The following PKD1 variants were observed in gnomAD, a reference collection of about 807,000 sequenced individuals.
PKD1 encodes the protein polycystin-1.
In PKD1, 81 loss-of-function variants were observed where a neutral mutation model predicts 361.7. The observed-to-expected ratio is 0.22, with a 90% confidence interval of 0.19 to 0.27. PKD1 has a LOEUF of 0.27. PKD1 is among the 10% of genes least tolerant of loss of function. PKD1 has a pLI of 1.00. For missense variants in PKD1, 6,399 were observed against 6,118.3 expected (o/e 1.05, Z -1.53); for synonymous variants, 3,615 against 2,818.3 (o/e 1.28, Z -8.95).
rs1347130481 is a variant in PKD1, at chr16:2,097,325, C to G, written c.10399G>C (p.Ala3467Pro). ...TCCTCTCACCCCAGCTCACCTGATG[C>G]TGAGAAGGATTTGGCAGGCGAGTAG... is the stretch of plus-strand genomic sequence containing the variant. Reference protein sequence around the residue: ...SPYSPAKSFSASDEDLIQQVL... With the variant: ...SPYSPAKSFSPSDEDLIQQVL... The change falls in exon 33 of 46, where the codon GCA becomes CCA. Residue 3467 changes from alanine (A) to proline (P), a missense_variant. Ala to Pro is a conservative substitution (Grantham distance 27, BLOSUM62 -1). Transcript: ENST00000262304. 6.2e-7 allele frequency: 1 copy of G among 1,612,804 alleles called. No homozygotes were observed. The highest frequency in any genetic ancestry group is 1.3e-5 in the African/African-American group (1 of 74,940).
At chr16:2,107,002 G>A in intron 16 of PKD1, 54 bp from the exon 17 acceptor site, 1 of 1,543,288 alleles carries the variant, frequency 6.5e-7, no homozygotes, top group Non-Finnish European at 8.8e-7. Context: ...CTGCTGGAAG[G>A]ACTGGGGGAC....
intron 23 of PKD1, 115 bp downstream of exon 23, chr16:2,103,151 G>A (rs1265502143): frequency 3.7e-6 from 5 of 1,346,624 alleles, no homozygotes; most frequent in Middle Eastern, 2.5e-4. Flanking sequence ...GCCCCCAGCA[G>A]CCCATGAAAC....
intron 21 of PKD1, 120 bp from the exon 22 acceptor site, chr16:2,104,762 G>A (rs1426909186): frequency 3.8e-6 from 3 of 779,830 alleles, no homozygotes; most frequent in South Asian, 1.5e-5. Flanking sequence ...GAGCCCACTT[G>A]ACTGGACCCC....
Position 2,114,750 on chromosome 16 carries a change from A to T in PKD1, c.2273T>A (p.Leu758Gln). Residue 758 changes from leucine (L) to glutamine (Q), a missense_variant, in exon 11 of 46, where the codon CTG (leucine) becomes CAG (glutamine). Physicochemically the swap from Leu to Gln is moderately radical, Grantham distance 113. Coordinates refer to ENST00000262304, the MANE Select transcript of PKD1 (RefSeq NM_001009944.3). The stretch of plus-strand genomic sequence containing the variant: ...GGCAGGGCAGGCCCAAGTGCCCTCC[A>T]GCTGGGCTGGCAAGTGGGGCAGCCA... The part of the protein sequence containing the change: ...SSWLPHLPAQ[L>Q]EGTWACPACA... 6.7e-7 allele frequency: 1 copy of T among 1,486,108 alleles called. No homozygotes were observed. Among genetic ancestry groups the T allele is most frequent in the Non-Finnish European group, 9.1e-7 (1 of 1,103,620 alleles). The allele number at this position is 1,486,108 out of a possible 1,614,324, so 92.1% of individuals were successfully genotyped here.
In PKD1 at chr16:2,100,102, G is replaced by A. The variant is rs2092030027; in HGVS notation, c.9713-31C>T. 3 of 1,604,588 alleles carry A rather than the reference G, an allele frequency of 1.9e-6. No individual in the cohort carries two copies. The highest frequency in any genetic ancestry group is 1.1e-5 in the South Asian group (1 of 90,570). ...AGGCAGGGAGGGCCGCACTGCAGGA[G>A]GCCACGGGGCAGGACCACCCTGCCC... On this transcript the variant is annotated intron_variant, in intron 28 of 45. Coordinates refer to ENST00000262304, the MANE Select transcript of PKD1 (RefSeq NM_001009944.3). The surrounding 1 kb of genome is among the most constrained non-coding windows in gnomAD (Gnocchi z 4.4).
intron 34 of PKD1, among the ~76,000 whole-genome samples, chr16:2,094,440 C>T (rs986970528): frequency 1.3e-5 from 2 of 152,198 alleles, no homozygotes; most frequent in African/African-American, 2.4e-5. Context: ...CCCTCTCCCG[C>T]CCGCTTGCTG....
chr16:2,102,724 C>G lies in PKD1; in HGVS notation c.8948+90G>C, dbSNP rs1408790710. ...GCCCATACCCGGTCCAGTCCCCTCG[C>G]TGCCTGCCGTCCCCATGGGGCCAGT... On this transcript the variant is annotated intron_variant, in intron 24 of 45. Transcript: ENST00000262304. The G allele has an allele frequency of 8.1e-6, 13 of 1,605,360 alleles. No homozygotes were observed. In the Admixed American group the frequency reaches 1.5e-4, roughly 19 times the overall value.
chr16:2,091,099 C>G lies in PKD1; in HGVS notation c.11788G>C (p.Val3930Leu). The change falls in exon 43 of 46, where the codon GTG becomes CTG. Residue 3930 changes from valine (V) to leucine (L), a missense_variant. Val to Leu is a conservative substitution (Grantham distance 32, BLOSUM62 1). Transcript: ENST00000262304. ...CGCGCCCAGGCTCCGAGCCGCAGCA[C>G]GCGCCAGCGCCCTTCCCTGTGCCAA... ...RTWHREGRWRVLRLGAWARWL... is the reference protein window; with the variant it reads ...RTWHREGRWRLLRLGAWARWL... The G allele has an allele frequency of 6.7e-7, 1 of 1,495,310 alleles. No individual in the cohort carries two copies. Among genetic ancestry groups the G allele is most frequent in the South Asian group, 1.2e-5 (1 of 81,216 alleles). 92.6% of individuals were successfully genotyped at this position (1,495,310 alleles called of 1,614,324 possible).
chr16:2,109,939 G>C lies in PKD1; in HGVS notation c.5228C>G (p.Ala1743Gly). The part of the protein sequence containing the change: ...NTSVTLSAEL[A>G]GGSGVVYTWS... ...AGTGTATACGACACCACTGCCACCA[G>C]CCAGCTCGGCACTGAGGGTGACGCT... Residue 1743 changes from alanine (A) to glycine (G), a missense_variant, in exon 15 of 46, where the codon GCT (alanine) becomes GGT (glycine). Transcript: ENST00000262304. 1 of 1,610,278 alleles carries C rather than the reference G, an allele frequency of 6.2e-7. No individual in the cohort carries two copies. The highest frequency in any genetic ancestry group is 8.5e-7 in the Non-Finnish European group (1 of 1,179,550).
Position 2,093,895 on chromosome 16 carries a change from G to A in PKD1, c.10737C>T (p.Ser3579=), listed in dbSNP as rs1450812305. 6.3e-7 allele frequency: 1 copy of A among 1,578,488 alleles called. No homozygotes were observed. The highest frequency in any genetic ancestry group is 8.6e-7 in the Non-Finnish European group (1 of 1,167,676). Residue 3579 remains serine (S), a synonymous_variant, in exon 36 of 46, where the codon AGC becomes AGT. Coordinates refer to ENST00000262304, the MANE Select transcript of PKD1 (RefSeq NM_001009944.3). ...ACGCAACACTCACGCCCGGGGGGAA[G>A]CTCGCACCCACCCACCCTGAGACAG... ...AVAVSGWVGA[S]FPPGVSVAWL... is the part of the protein sequence containing the mutation.
Position 2,091,814 on chromosome 16 carries a change from C to A in PKD1, c.11504G>T (p.Arg3835Leu), listed in dbSNP as rs1406791013. ...LSLEESRDRL[R>L]FLQLHNWLDN... is the part of the protein sequence containing the mutation. ...CAGCCAGTTGTGCAGCTGCAGGAAG[C>A]GCAGCCGGTCGCGGCTCTCCTCCAG... Residue 3835 changes from arginine (R) to leucine (L), a missense_variant, in exon 41 of 46, where the codon CGC (arginine) becomes CTC (leucine). Transcript: ENST00000262304. The A allele has an allele frequency of 2.5e-6, 4 of 1,609,932 alleles. No homozygotes were observed. The highest frequency in any genetic ancestry group is 1.7e-5 in the Admixed American group (1 of 59,696).
intron 41 of PKD1, 60 bp from the exon 42 acceptor site, chr16:2,091,657 G>A: frequency 1.3e-6 from 2 of 1,555,118 alleles, no homozygotes; most frequent in Non-Finnish European, 1.7e-6. Flanking sequence ...CGGGGACCGC[G>A]CAGTGCAGGC....
Position 2,093,930 on chromosome 16 carries a change from C to T in PKD1, c.10702G>A (p.Val3568Met), listed in dbSNP as rs772200851. The T allele has an allele frequency of 1.3e-6, 2 of 1,585,634 alleles. No individual in the cohort carries two copies. The highest frequency in any genetic ancestry group is 4.6e-5 in the East Asian group (2 of 43,836). The change falls in exon 36 of 46, where the codon GTG (valine) becomes ATG (methionine). Residue 3568 changes from valine to methionine, a missense_variant. Coordinates refer to ENST00000262304, the MANE Select transcript of PKD1 (RefSeq NM_001009944.3). ...AHGLSLLLVA[V>M]AVAVSGWVGA... ...ACCCACCCTGAGACAGCCACAGCCA[C>T]AGCCACCAGGAGCAGGCTGAGCCCG...
Position 2,089,707 on chromosome 16 carries a change from AC to A in PKD1, c.*19del. The A allele has an allele frequency of 6.4e-7, 1 of 1,561,990 alleles. No homozygotes were observed. The highest frequency in any genetic ancestry group is 1.2e-5 in the South Asian group (1 of 85,114). On this transcript the variant is annotated 3_prime_UTR_variant, in exon 46 of 46. Transcript: ENST00000262304. ...GGTGTCCACTCCGACTCCACGGCCC[AC>A]CCCCGCCAGGAAGGAGGACTAAGTG...
In PKD1 at chr16:2,105,854, G is replaced by A. The variant is rs368629973; in HGVS notation, c.7863+11C>T. 3.8e-4 allele frequency: 613 copies of A among 1,595,188 alleles called. 2 individuals are homozygous for A. In the African/African-American group the frequency reaches 7.1e-3, roughly 19 times the overall value. ...CAGCAGATGTGACGTCCCCTCCCAG[G>A]CTGCACTCACCTCGTTCAGCACGGT... On this transcript the variant is annotated intron_variant, in intron 20 of 45. Coordinates refer to ENST00000262304, the MANE Select transcript of PKD1 (RefSeq NM_001009944.3).
intron 1 of PKD1, among the ~76,000 whole-genome samples, chr16:2,124,880 G>A (rs1003471190): frequency 1.6e-4 from 24 of 152,188 alleles, no homozygotes; most frequent in Admixed American, 2.0e-4. Flanking sequence ...GCCAGACCCA[G>A]GGAGGCCCCA....
intron 1 of PKD1, among the ~76,000 whole-genome samples, chr16:2,122,976 G>A (rs2092745360): frequency 6.6e-6 from 1 of 152,214 alleles, no homozygotes. Context: ...CTCATTTTCT[G>A]GAAAATCCAT....
intron 20 of PKD1, 58 bp from the exon 21 acceptor site, chr16:2,105,532 C>G: frequency 6.3e-7 from 1 of 1,591,176 alleles, no homozygotes; most frequent in South Asian, 1.1e-5. Flanking sequence ...GGCAGGAGGC[C>G]AGCAGATGCC....
intron 34 of PKD1, 78 bp downstream of exon 34, chr16:2,097,067 CAGG>C: frequency 1.0e-6 from 1 of 954,034 alleles, no homozygotes; most frequent in Non-Finnish European, 1.6e-6. Context: ...CACCCTACCC[CAGG>C]CGGGAACCAC....
Sources: allele counts gnomAD v4.1 joint callset (sites outside exome capture counted in the v4.1 genomes callset), GRCh38; gene constraint gnomAD v4.1.1; non-coding constraint Gnocchi (gnomAD v3.1); transcripts MANE v1.5; gene names NCBI Gene and HGNC (gene_info 2026-07-23, HGNC 2026-07-21).